The following HNF4G variants were observed in gnomAD, a reference collection of about 807,000 sequenced individuals.
The protein encoded by HNF4G is hepatocyte nuclear factor 4-gamma.
HNF4G carries 21 observed loss-of-function variants against 50.9 expected under a neutral mutation model. That is an observed-to-expected ratio of 0.41 (90% CI 0.29 to 0.59). The LOEUF is 0.59. HNF4G is among the 20% of genes least tolerant of loss of function. HNF4G has a pLI of 0.26. For synonymous variants in HNF4G, 198 were observed against 185.6 expected (o/e 1.07, Z -0.54); for missense variants, 527 against 559.4 (o/e 0.94, Z 0.58).
rs1298918064 is a variant in HNF4G, at chr8:75,564,984, C to T, written c.*888C>T. The stretch of plus-strand genomic sequence containing the variant: ...CCATGTCACTCTGAGAGAACTGATT[C>T]TGAGGACAAGTTAGCCATCTACCAC... On this transcript the variant is annotated 3_prime_UTR_variant, in exon 10 of 10. Coordinates refer to ENST00000396423, the MANE Select transcript of HNF4G (RefSeq NM_004133.5). 6.6e-6 allele frequency: 1 copy of T among 152,190 alleles called. No homozygotes were observed. The highest frequency in any genetic ancestry group is 1.5e-5 in the Non-Finnish European group (1 of 68,034). 9.4% of individuals were successfully genotyped at this position (152,190 alleles called of 1,614,324 possible). A position where few individuals can be genotyped will look rare whatever the true frequency, so the allele number is the denominator to read the frequency against.
intron 1 of HNF4G, among the ~76,000 whole-genome samples, chr8:75,446,985 GC>G (rs1811435367): frequency 1.4e-5 from 2 of 145,626 alleles, no homozygotes; most frequent in South Asian, 4.4e-4. Context: ...CCAATCCTAA[GC>G]CAAAAGAACA....
chr8:75,517,132 C>T (rs529549512), intron 2 of HNF4G, among the ~76,000 whole-genome samples: 9 of 152,214 alleles, frequency 5.9e-5, no homozygotes, highest in South Asian at 4.1e-4. Context: ...TTCACTATCA[C>T]GAGAATAGCA....
At chr8:75,481,361 T>A (rs7832302) in intron 1 of HNF4G, among the ~76,000 whole-genome samples, 18,634 of 152,212 alleles carry the variant, frequency 0.12, 1,546 homozygotes, top group African/African-American at 0.24. Context: ...TCATGGAATA[T>A]CCATCTGCTC....
At chr8:75,510,472 G>A (rs530485811) in intron 2 of HNF4G, among the ~76,000 whole-genome samples, 4 of 152,284 alleles carry the variant, frequency 2.6e-5, no homozygotes, top group Admixed American at 6.5e-5. Flanking sequence ...GACTTACCCA[G>A]AGCAACTTCC....
chr8:75,535,046 AC>A (rs2130773336), upstream of HNF4G, among the ~76,000 whole-genome samples: 1 of 151,944 alleles, frequency 6.6e-6, no homozygotes, highest in Admixed American at 6.6e-5. Context: ...TCTAAACTGA[AC>A]AACAAAGGAA....
chr8:75,528,487 A>C (rs937491887), intron 2 of HNF4G, among the ~76,000 whole-genome samples: 1 of 152,200 alleles, frequency 6.6e-6, no homozygotes, highest in Admixed American at 6.5e-5. Context: ...AGGCATTTTT[A>C]GTACTCTATC....
At chr8:75,517,289 A>T (rs1482243242) in intron 2 of HNF4G, among the ~76,000 whole-genome samples, 3 of 152,050 alleles carry the variant, frequency 2.0e-5, no homozygotes, top group African/African-American at 7.2e-5. Context: ...CCCAAATCTC[A>T]TATCCTTACA....
At chr8:75,413,105 T>C (rs904723384) in intron 1 of HNF4G, among the ~76,000 whole-genome samples, 1 of 151,284 alleles carries the variant, frequency 6.6e-6, no homozygotes, top group Non-Finnish European at 1.5e-5. Flanking sequence ...AGAGATGAAG[T>C]GGGGAAGGAA....
Position 75,430,474 on chromosome 8 carries a change from TAG to T in HNF4G, c.-144+22339_-144+22340del, listed in dbSNP as rs66481707. On this transcript the variant is annotated intron_variant, in intron 1 of 10. Coordinates refer to the HNF4G transcript ENST00000354370. Reference sequence around the variant, plus strand: ...AAATAAAAGAGACGGGGGTAGGGAGTAGAGAGAGAGAGAGAGAGAGAGAGAGA... The same window carrying T: ...AAATAAAAGAGACGGGGGTAGGGAGTAGAGAGAGAGAGAGAGAGAGAGAGA... Among the ~76,000 whole-genome samples, 1,336 of 135,824 alleles carry T rather than the reference TAG, an allele frequency of 9.8e-3. 13 individuals are homozygous for T. Among genetic ancestry groups the T allele is most frequent in the African/African-American group, 0.018 (664 of 36,126 alleles). The allele number at this position is 135,824 out of a possible 152,430, so 89.1% of individuals were successfully genotyped here.
chr8:75,423,083 A>C (rs1286872710), intron 1 of HNF4G, among the ~76,000 whole-genome samples: 2 of 152,104 alleles, frequency 1.3e-5, no homozygotes, highest in Non-Finnish European at 2.9e-5. Context: ...TTCTTTCAAC[A>C]CTTGGTCTTT....
intron 1 of HNF4G, among the ~76,000 whole-genome samples, chr8:75,468,968 A>G (rs981549818): frequency 6.6e-6 from 1 of 152,130 alleles, no homozygotes; most frequent in Non-Finnish European, 1.5e-5. Context: ...TATTGCTACA[A>G]AATGCTGCAT....
rs555250556 is a variant in HNF4G at position 75,439,628 on chromosome 8, T to A, written c.-144+31466T>A. 4.5e-4 allele frequency among the ~76,000 whole-genome samples: 69 copies of A among 152,182 alleles called. 1 individual carries two copies. Among genetic ancestry groups the A allele is most frequent in the African/African-American group, 1.6e-3 (66 of 41,584 alleles). On this transcript the variant is annotated intron_variant, in intron 1 of 10. Transcript: ENST00000354370. ...AGACAATGAAGTAAGTCTGGCAGTC[T>A]CAATCACATCTTTACTTGGGATCAA... is the stretch of plus-strand genomic sequence containing the variant.
chr8:75,561,208 G>T (rs1378218889), intron 9 of HNF4G, among the ~76,000 whole-genome samples: 1 of 152,054 alleles, frequency 6.6e-6, no homozygotes, highest in Admixed American at 6.6e-5. Context: ...CTTATTTTGG[G>T]ACACCTTCTC....
chr8:75,499,058 G>A (rs1812856437), intron 2 of HNF4G, among the ~76,000 whole-genome samples: 1 of 151,994 alleles, frequency 6.6e-6, no homozygotes, highest in South Asian at 2.1e-4. Flanking sequence ...GAAAGAAAAG[G>A]TGTCCAGATT....
At chr8:75,450,757 T>C (rs1298954918) in intron 1 of HNF4G, among the ~76,000 whole-genome samples, 1 of 152,206 alleles carries the variant, frequency 6.6e-6, no homozygotes, top group Non-Finnish European at 1.5e-5. Context: ...GCAACAAGTG[T>C]TGAGAAATGG....
chr8:75,463,059 TTTTTTTG>T (rs1344276696), intron 1 of HNF4G, among the ~76,000 whole-genome samples: 9 of 142,448 alleles, frequency 6.3e-5, no homozygotes, highest in African/African-American at 2.6e-4. Context: ...TGTCTGCTTG[TTTTTTTG>T]TTTTTTTTTT....
intron 2 of HNF4G, among the ~76,000 whole-genome samples, chr8:75,508,874 A>G (rs1411267238): frequency 3.9e-5 from 6 of 152,242 alleles, no homozygotes; most frequent in Non-Finnish European, 8.8e-5. Context: ...TTTATGCTCT[A>G]TCCTAAGAGC....
intron 1 of HNF4G, among the ~76,000 whole-genome samples, chr8:75,445,159 C>T (rs957377553): frequency 2.3e-5 from 3 of 129,228 alleles, no homozygotes; most frequent in Non-Finnish European, 4.8e-5. Context: ...GGAAACTGAA[C>T]AACCTGCTCC....
chr8:75,507,203 A>G (rs1313065310), intron 2 of HNF4G, among the ~76,000 whole-genome samples: 1 of 151,924 alleles, frequency 6.6e-6, no homozygotes, highest in Non-Finnish European at 1.5e-5. Flanking sequence ...TTTTATTACA[A>G]TCTCTATCTC....
Sources: allele counts gnomAD v4.1 joint callset (sites outside exome capture counted in the v4.1 genomes callset), GRCh38; gene constraint gnomAD v4.1.1; transcripts MANE v1.5; gene names NCBI Gene and HGNC (gene_info 2026-07-23, HGNC 2026-07-21).